CCDC192: variants seen among roughly 807,000 people sequenced by gnomAD.
CCDC192 encodes coiled-coil domain containing 192, also known as coiled-coil domain-containing protein 192.
At chr5:127,853,478 A>G (rs566991107) in intron 5 of CCDC192, among the ~76,000 whole-genome samples, 1 of 152,138 alleles carries the variant, frequency 6.6e-6, no homozygotes, top group African/African-American at 2.4e-5. Flanking sequence ...TCAAAGCATC[A>G]AAAGCACCTG....
intron 5 of CCDC192, among the ~76,000 whole-genome samples, chr5:127,861,559 G>A (rs1561528163): frequency 1.3e-5 from 2 of 151,964 alleles, no homozygotes; most frequent in Non-Finnish European, 2.9e-5. Context: ...GGAGGCTGAG[G>A]CACGAGAATT....
intron 6 of CCDC192, among the ~76,000 whole-genome samples, chr5:127,930,750 A>C (rs1023367764): frequency 1.3e-5 from 2 of 152,210 alleles, no homozygotes; most frequent in African/African-American, 4.8e-5. Flanking sequence ...AGCCTAGGTT[A>C]TCCTACCCTC....
At chr5:127,892,872 A>G (rs779472052) in intron 6 of CCDC192, among the ~76,000 whole-genome samples, 15 of 152,202 alleles carry the variant, frequency 9.9e-5, no homozygotes, top group Non-Finnish European at 1.8e-4. Flanking sequence ...ATGAAAATAA[A>G]AGAACAGAGA....
At chr5:127,737,182 T>C (rs1753066153) in intron 2 of CCDC192, among the ~76,000 whole-genome samples, 2 of 152,106 alleles carry the variant, frequency 1.3e-5, no homozygotes, top group Non-Finnish European at 2.9e-5. Flanking sequence ...TTCATTTCAT[T>C]ATGTACCCAG....
chr5:127,875,932 A>T (rs1404156271), intron 6 of CCDC192, among the ~76,000 whole-genome samples: 2 of 152,060 alleles, frequency 1.3e-5, no homozygotes, highest in Admixed American at 6.5e-5. Context: ...TCACTGCACA[A>T]GCTGGGTGGT....
At chr5:127,716,535 G>A (rs2126788723) in intron 2 of CCDC192, among the ~76,000 whole-genome samples, 1 of 152,228 alleles carries the variant, frequency 6.6e-6, no homozygotes, top group African/African-American at 2.4e-5. Flanking sequence ...TCTTTGATGG[G>A]AGATTTTTAT....
intron 6 of CCDC192, among the ~76,000 whole-genome samples, chr5:127,915,382 A>C (rs1260809307): frequency 6.6e-6 from 1 of 151,996 alleles, no homozygotes; most frequent in African/African-American, 2.4e-5. Flanking sequence ...AACTTCATAA[A>C]CTTTCTTTTT....
intron 3 of CCDC192, among the ~76,000 whole-genome samples, chr5:127,756,421 G>A (rs1436554579): frequency 6.6e-6 from 1 of 152,154 alleles, no homozygotes; most frequent in Non-Finnish European, 1.5e-5. Context: ...GGGGAGTGCT[G>A]GTTGGTCAGG....
chr5:127,851,796 T>C (rs1282633237), intron 5 of CCDC192, among the ~76,000 whole-genome samples: 3 of 152,166 alleles, frequency 2.0e-5, no homozygotes, highest in Non-Finnish European at 4.4e-5. Flanking sequence ...ACTAGATTCT[T>C]CCTGTCAACA....
At chr5:127,830,126 G>T (rs1429437541) in intron 5 of CCDC192, among the ~76,000 whole-genome samples, 3 of 151,794 alleles carry the variant, frequency 2.0e-5, no homozygotes, top group Non-Finnish European at 4.4e-5. Context: ...ACAGTGCAAG[G>T]CTCACATGCA....
At chr5:127,905,842 A>G (rs1030427115) in intron 6 of CCDC192, among the ~76,000 whole-genome samples, 1 of 152,224 alleles carries the variant, frequency 6.6e-6, no homozygotes, top group Non-Finnish European at 1.5e-5. Context: ...TATTTGATGG[A>G]TGAGAAAACT....
At chr5:127,790,185 G>A (rs748974516) in intron 3 of CCDC192, among the ~76,000 whole-genome samples, 15 of 152,132 alleles carry the variant, frequency 9.9e-5, no homozygotes, top group Admixed American at 3.9e-4. Context: ...AAAGTCTAGT[G>A]GAATTTGCCG....
intron 2 of CCDC192, among the ~76,000 whole-genome samples, chr5:127,735,449 T>A (rs1295510409): frequency 1.0e-4 from 15 of 144,134 alleles, no homozygotes; most frequent in Non-Finnish European, 2.3e-4. Context: ...AAGTAGTTTT[T>A]TCCAATTCTT....
At chr5:127,767,038 G>C (rs1030824255) in intron 3 of CCDC192, among the ~76,000 whole-genome samples, 12 of 152,214 alleles carry the variant, frequency 7.9e-5, no homozygotes, top group African/African-American at 2.7e-4. Flanking sequence ...TTGAGAGAAA[G>C]GGAGACTCCT....
chr5:127,886,468 A>C (rs1425540106), intron 6 of CCDC192, among the ~76,000 whole-genome samples: 1 of 152,136 alleles, frequency 6.6e-6, no homozygotes, highest in Non-Finnish European at 1.5e-5. Context: ...GCCACCCCTG[A>C]GATGACAAGA....
intron 2 of CCDC192, among the ~76,000 whole-genome samples, chr5:127,732,922 T>C (rs892707480): frequency 2.0e-5 from 3 of 152,082 alleles, no homozygotes; most frequent in African/African-American, 7.2e-5. Flanking sequence ...GATGGGTTGA[T>C]AGATGCAGCA....
At chr5:127,837,483 C>T (rs1490916914) in intron 5 of CCDC192, among the ~76,000 whole-genome samples, 1 of 43,668 alleles carries the variant, frequency 2.3e-5, no homozygotes, top group African/African-American at 7.3e-5. Flanking sequence ...GAAACGACTC[C>T]CATGATCCAG....
chr5:127,927,223 T>C (rs961302597), intron 6 of CCDC192, among the ~76,000 whole-genome samples: 4 of 152,016 alleles, frequency 2.6e-5, no homozygotes, highest in African/African-American at 9.7e-5. Context: ...CAATAAGATA[T>C]TGAGAGAGAG....
chr5:127,736,459 G>C (rs1306470750), intron 2 of CCDC192, among the ~76,000 whole-genome samples: 1 of 151,884 alleles, frequency 6.6e-6, no homozygotes, highest in Non-Finnish European at 1.5e-5. Context: ...GGGTTAGGGA[G>C]GATTCCCTCT....
Sources: allele counts gnomAD v4.1 joint callset (sites outside exome capture counted in the v4.1 genomes callset), GRCh38; gene constraint gnomAD v4.1.1; transcripts MANE v1.5; gene names NCBI Gene and HGNC (gene_info 2026-07-23, HGNC 2026-07-21).